Variants in AKAP19 observed in about 807,000 individuals in gnomAD.
The protein encoded by AKAP19 is small A-kinase anchoring protein.
the AKAP19 span, among the ~76,000 whole-genome samples, chr2:190,068,276 T>C: frequency 1.3e-5 from 2 of 152,186 alleles, no homozygotes; most frequent in African/African-American, 4.8e-5. Flanking sequence ...TGCTCTTTTT[T>C]GTCTTTTCAG....
chr2:190,188,892 T>G, the AKAP19 span, among the ~76,000 whole-genome samples: 1 of 152,180 alleles, frequency 6.6e-6, no homozygotes, highest in Non-Finnish European at 1.5e-5. Context: ...AACAAATATG[T>G]GGGGGCAGTT....
the AKAP19 span, among the ~76,000 whole-genome samples, chr2:190,038,248 T>G: frequency 0.019 from 2,898 of 152,258 alleles, 95 homozygotes; most frequent in African/African-American, 0.066. Flanking sequence ...CCCCTAGTTA[T>G]GAGATCCCTG....
At chr2:190,094,546 T>A in the AKAP19 span, among the ~76,000 whole-genome samples, 2 of 152,364 alleles carry the variant, frequency 1.3e-5, no homozygotes, top group East Asian at 3.9e-4. Flanking sequence ...GTTCAAAGTT[T>A]GCAAGTGTTT....
chr2:190,038,934 CTTCTTCTTCT>C, the AKAP19 span, among the ~76,000 whole-genome samples: 2 of 140,408 alleles, frequency 1.4e-5, no homozygotes, highest in African/African-American at 5.7e-5. Flanking sequence ...TCTTCTTCTT[CTTCTTCTTCT>C]TCTTCTTCTT....
chr2:190,087,701 C>CAT, the AKAP19 span, among the ~76,000 whole-genome samples: 2 of 152,204 alleles, frequency 1.3e-5, no homozygotes, highest in Non-Finnish European at 2.9e-5. Flanking sequence ...GGTTTTGAAT[C>CAT]ATACATCATG....
chr2:190,041,505 T>C, the AKAP19 span, among the ~76,000 whole-genome samples: 3,957 of 151,748 alleles, frequency 0.026, 175 homozygotes, highest in East Asian at 0.18. Context: ...TGAATACTCT[T>C]TGTTTCTTTC....
the AKAP19 span, chr2:190,059,997 T>C: frequency 4.0e-6 from 6 of 1,517,174 alleles, no homozygotes; most frequent in Non-Finnish European, 3.6e-6. Flanking sequence ...TTTTCCACTA[T>C]TGTTTGTTCA....
At chr2:189,905,182 T>A in the AKAP19 span, among the ~76,000 whole-genome samples, 1 of 151,966 alleles carries the variant, frequency 6.6e-6, no homozygotes, top group African/African-American at 2.4e-5. Flanking sequence ...TTCTAAAATA[T>A]TTGGATTTTT....
the AKAP19 span, among the ~76,000 whole-genome samples, chr2:189,882,384 C>G: frequency 2.6e-5 from 4 of 152,148 alleles, no homozygotes; most frequent in South Asian, 6.2e-4. Flanking sequence ...GACGTGTGCC[C>G]AAAAGTGGTC....
chr2:189,914,347 A>G, the AKAP19 span, among the ~76,000 whole-genome samples: 1 of 152,104 alleles, frequency 6.6e-6, no homozygotes, highest in Non-Finnish European at 1.5e-5. Context: ...CATGTTCTTA[A>G]CATTCTTATT....
At chr2:190,081,472 A>G in the AKAP19 span, among the ~76,000 whole-genome samples, 2 of 151,522 alleles carry the variant, frequency 1.3e-5, no homozygotes, top group African/African-American at 2.4e-5. Context: ...AAAATTATTT[A>G]CTCCTAACCC....
chr2:190,099,473 G>A, the AKAP19 span, among the ~76,000 whole-genome samples: 2 of 152,056 alleles, frequency 1.3e-5, no homozygotes, highest in Admixed American at 6.6e-5. Flanking sequence ...ACGGTTCAAG[G>A]TGCCCCAAAA....
the AKAP19 span, among the ~76,000 whole-genome samples, chr2:190,163,389 G>A: frequency 2.2e-3 from 334 of 151,098 alleles, 1 homozygote; most frequent in African/African-American, 7.8e-3. Flanking sequence ...AGCCGAGATC[G>A]CGCCACTGCA....
At chr2:190,058,088 A>G in the AKAP19 span, among the ~76,000 whole-genome samples, 30 of 152,204 alleles carry the variant, frequency 2.0e-4, no homozygotes, top group African/African-American at 5.8e-4. Flanking sequence ...AGGGTTAGGT[A>G]TAGTCATCCA....
At chr2:189,988,614 A>G in the AKAP19 span, among the ~76,000 whole-genome samples, 32 of 152,352 alleles carry the variant, frequency 2.1e-4, no homozygotes, top group Non-Finnish European at 1.3e-4. Context: ...ACTACATGGA[A>G]TATTACATTG....
the AKAP19 span, among the ~76,000 whole-genome samples, chr2:190,149,447 T>C: frequency 9.2e-5 from 14 of 152,236 alleles, no homozygotes; most frequent in African/African-American, 3.4e-4. Context: ...GCGTTTTTGA[T>C]GTCGGTGCTT....
chr2:189,978,655 G>A, the AKAP19 span, among the ~76,000 whole-genome samples: 1 of 152,124 alleles, frequency 6.6e-6, no homozygotes, highest in Non-Finnish European at 1.5e-5. Flanking sequence ...CATGGTATTT[G>A]ATTTTCTGTT....
the AKAP19 span, among the ~76,000 whole-genome samples, chr2:189,914,631 T>C: frequency 2.0e-5 from 3 of 152,126 alleles, no homozygotes; most frequent in Admixed American, 6.5e-5. Flanking sequence ...TTAATTCTTA[T>C]ATTTACCTTG....
At chr2:189,924,063 G>C in the AKAP19 span, 1 of 1,533,420 alleles carries the variant, frequency 6.5e-7, no homozygotes, top group South Asian at 1.1e-5. Context: ...TCTGAGGGGG[G>C]TGCAGATGAC....
Sources: allele counts gnomAD v4.1 joint callset (sites outside exome capture counted in the v4.1 genomes callset), GRCh38; gene constraint gnomAD v4.1.1; transcripts MANE v1.5; gene names NCBI Gene and HGNC (gene_info 2026-07-23, HGNC 2026-07-21).